LARGE1: variants seen among roughly 807,000 people sequenced by gnomAD.
LARGE1 encodes LARGE xylosyl- and glucuronyltransferase 1.
Under a neutral mutation model 87.6 loss-of-function variants are expected in LARGE1, and 43 were observed. That is an observed-to-expected ratio of 0.49 (90% CI 0.38 to 0.63). LARGE1 has a LOEUF of 0.63. Among genes scored for constraint, LARGE1 ranks in the 30% least tolerant of loss-of-function variants. The pLI, the probability that LARGE1 is intolerant of heterozygous loss-of-function variation, is 0.00. For synonymous variants in LARGE1, 434 were observed against 394.6 expected (o/e 1.10, Z -1.18); for missense variants, 802 against 1,000.2 (o/e 0.80, Z 2.67).
intron 1 of LARGE1, among the ~76,000 whole-genome samples, chr22:33,799,083 A>T (rs2146055159): frequency 6.6e-6 from 1 of 152,124 alleles, no homozygotes; most frequent in South Asian, 2.1e-4. Context: ...AGATTCCTGG[A>T]GTTTCTTTTT....
At chr22:33,089,360 CTTCTTCTTCTCCTTCTT>C in the LARGE1 span, among the ~76,000 whole-genome samples, 1 of 75,762 alleles carries the variant, frequency 1.3e-5, no homozygotes, top group Non-Finnish European at 2.6e-5. Flanking sequence ...TCTTCTTCTT[CTTCTTCTTCTCCTTCTT>C]CTTCTTCTTC....
intron 3 of LARGE1, among the ~76,000 whole-genome samples, chr22:33,627,829 A>T (rs1295713677): frequency 6.6e-6 from 1 of 152,096 alleles, no homozygotes; most frequent in Non-Finnish European, 1.5e-5. Context: ...CTTCATATAG[A>T]ATCTAATTTT....
At chr22:33,422,217 G>A (rs1193380609) in intron 7 of LARGE1, among the ~76,000 whole-genome samples, 4 of 152,186 alleles carry the variant, frequency 2.6e-5, no homozygotes, top group Non-Finnish European at 1.5e-5. Flanking sequence ...CATAACATGT[G>A]GGTACCACAG....
At chr22:33,872,790 G>A (rs12169356) in intron 1 of LARGE1, among the ~76,000 whole-genome samples, 24,289 of 152,052 alleles carry the variant, frequency 0.16, 1,982 homozygotes, top group South Asian at 0.29. Flanking sequence ...CTGAGGTCAG[G>A]AGTTCGAGAC....
intron 2 of LARGE1, among the ~76,000 whole-genome samples, chr22:33,739,214 T>C (rs1263530851): frequency 1.3e-5 from 2 of 151,112 alleles, no homozygotes; most frequent in Non-Finnish European, 3.0e-5. Flanking sequence ...GGCGCTGAGT[T>C]ATCACTGGCT....
intron 2 of LARGE1, among the ~76,000 whole-genome samples, chr22:33,694,161 T>C (rs1051204245): frequency 2.6e-5 from 4 of 152,220 alleles, no homozygotes; most frequent in Admixed American, 2.0e-4. Flanking sequence ...ATTGGTAAGA[T>C]AAAGTGCTAC....
chr22:33,546,222 A>C (rs2077356745), intron 6 of LARGE1, among the ~76,000 whole-genome samples: 1 of 152,102 alleles, frequency 6.6e-6, no homozygotes, highest in East Asian at 1.9e-4. Context: ...CACCTTCCCA[A>C]ACCCTCCGAT....
intron 6 of LARGE1, among the ~76,000 whole-genome samples, chr22:33,528,595 C>G (rs2072031528): frequency 6.6e-6 from 1 of 152,142 alleles, no homozygotes; most frequent in African/African-American, 2.4e-5. Context: ...CTGGCCAGAA[C>G]CACTCTGTGT....
intron 8 of LARGE1, among the ~76,000 whole-genome samples, chr22:33,383,802 T>C (rs2065236360): frequency 6.6e-6 from 1 of 152,186 alleles, no homozygotes. Context: ...TGTGGCATTC[T>C]GGGGTCCCAG....
intron 11 of LARGE1, among the ~76,000 whole-genome samples, chr22:33,169,809 C>T (rs1445184752): frequency 1.3e-5 from 2 of 151,800 alleles, no homozygotes; most frequent in African/African-American, 4.8e-5. Context: ...CAAGATCTTG[C>T]CAATGCACTC....
intron 5 of LARGE1, chr22:33,572,058 T>C (rs962163083): frequency 2.1e-6 from 1 of 477,234 alleles, no homozygotes; most frequent in African/African-American, 2.1e-5. Flanking sequence ...ATATCCTGCT[T>C]CCTTCCTAAG....
intron 12 of LARGE1, among the ~76,000 whole-genome samples, chr22:33,299,547 A>G (rs1289096682): frequency 6.6e-6 from 1 of 152,140 alleles, no homozygotes; most frequent in African/African-American, 2.4e-5. Context: ...GCTGCACAGA[A>G]GGTGGCAGAG....
intron 6 of LARGE1, among the ~76,000 whole-genome samples, chr22:33,440,112 C>T (rs2067414888): frequency 6.6e-6 from 1 of 152,302 alleles, no homozygotes; most frequent in Non-Finnish European, 1.5e-5. Flanking sequence ...TTTGAAAGCA[C>T]AAATTTGATG....
chr22:33,610,467 A>G (rs548998744), intron 4 of LARGE1, among the ~76,000 whole-genome samples: 62 of 152,320 alleles, frequency 4.1e-4, no homozygotes, highest in African/African-American at 1.4e-3. Flanking sequence ...TTAACTTAAG[A>G]GTGACAACCT....
rs147637487 is a variant in LARGE1, at chr22:33,606,972, C to G, written c.492-2414G>C. Reference sequence around the variant, plus strand: ...TGCCTGTCTACTTGTCTACACCCCCCATGTGAGCTCAGCAAGCTCAAGGAT... The same window carrying G: ...TGCCTGTCTACTTGTCTACACCCCCGATGTGAGCTCAGCAAGCTCAAGGAT... On this transcript the variant is annotated intron_variant, in intron 4 of 14. Coordinates refer to ENST00000397394, the MANE Select transcript of LARGE1 (RefSeq NM_133642.5). Among the ~76,000 whole-genome samples the G allele has an allele frequency of 4.6e-3, 695 of 152,268 alleles. 2 individuals are homozygous for G. The highest frequency in any genetic ancestry group is 0.016 in the African/African-American group (672 of 41,554).
At chr22:33,720,099 T>C (rs1041182327) in intron 2 of LARGE1, among the ~76,000 whole-genome samples, 10 of 152,126 alleles carry the variant, frequency 6.6e-5, no homozygotes, top group African/African-American at 2.4e-4. Context: ...TATTATTACA[T>C]TGTAATATAT....
intron 5 of LARGE1, among the ~76,000 whole-genome samples, chr22:33,584,418 C>T (rs2078608978): frequency 6.6e-6 from 1 of 152,170 alleles, no homozygotes; most frequent in African/African-American, 2.4e-5. Context: ...GAAGTCATCC[C>T]TGACTATCCA....
intron 11 of LARGE1, among the ~76,000 whole-genome samples, chr22:33,243,194 C>T (rs1182781220): frequency 1.3e-5 from 2 of 152,138 alleles, no homozygotes; most frequent in African/African-American, 2.4e-5. Flanking sequence ...TAACAATAAC[C>T]ATTGAAAACT....
At chr22:33,855,768 G>A (rs1488247047) in intron 1 of LARGE1, among the ~76,000 whole-genome samples, 1 of 152,104 alleles carries the variant, frequency 6.6e-6, no homozygotes, top group African/African-American at 2.4e-5. Flanking sequence ...TCATTCTGAT[G>A]AATATGTAGT....
Sources: allele counts gnomAD v4.1 joint callset (sites outside exome capture counted in the v4.1 genomes callset), GRCh38; gene constraint gnomAD v4.1.1; transcripts MANE v1.5; gene names NCBI Gene and HGNC (gene_info 2026-07-23, HGNC 2026-07-21).